Variants in CIB2 observed in about 807,000 individuals in gnomAD.
The protein encoded by CIB2 is calcium and integrin-binding family member 2.
In CIB2, 19 loss-of-function variants were observed where a neutral mutation model predicts 23.1. The observed-to-expected ratio is 0.82, with a 90% CI of 0.57 to 1.21. CIB2 has a LOEUF of 1.21. Among genes scored for constraint, CIB2 ranks in the 50% most tolerant of loss-of-function variants. The pLI is 0.00. For missense variants in CIB2, 220 were observed against 241.5 expected (o/e 0.91, Z 0.59); for synonymous variants, 94 against 91.7 (o/e 1.03, Z -0.14).
intron 2 of CIB2, among the ~76,000 whole-genome samples, chr15:78,117,818 C>T (rs980517594): frequency 1.2e-4 from 18 of 152,192 alleles, no homozygotes; most frequent in Admixed American, 1.1e-3. Flanking sequence ...GAGCTTCAGA[C>T]TCTTGGGTTA....
intron 2 of CIB2, among the ~76,000 whole-genome samples, chr15:78,115,857 C>G (rs182738181): frequency 2.9e-4 from 44 of 151,718 alleles, no homozygotes; most frequent in African/African-American, 1.1e-3. Flanking sequence ...TTTGTATATA[C>G]TGGGGATATA....
chr15:78,123,552 G>C (rs2074345632), intron 2 of CIB2, among the ~76,000 whole-genome samples, 153 bp downstream of exon 2: 1 of 152,126 alleles, frequency 6.6e-6, no homozygotes. Context: ...CTCCATCCTA[G>C]CCCAGTGGCC....
rs1178774498 is a variant in CIB2, at chr15:78,104,998, C to T, written c.*313G>A. The T allele has an allele frequency of 3.7e-5, 10 of 270,782 alleles. No individual in the cohort carries two copies. The Admixed American group carries it at 5.4e-4, about 15-fold the overall frequency. The allele number at this position is 270,782 out of a possible 1,614,324, so 16.8% of individuals were successfully genotyped here. On this transcript the variant is annotated 3_prime_UTR_variant, in exon 6 of 6. Transcript: ENST00000258930. The surrounding 1 kb of genome is among the most constrained non-coding windows in gnomAD (Gnocchi z 4.4). ...CCACCACCTCCTGTTGGGTTATCTG[C>T]TTTTCCCTCTTTGGGGGGGTGGGGA...
Position 78,123,739 on chromosome 15 carries a change from C to T in CIB2, c.52G>A (p.Asp18Asn), listed in dbSNP as rs947632319. ...TCCTTCTTATTGAAGAAGGTGCAGTCCTGTTGAGGGAAAACACACAACACA... is the reference window on the plus strand; with the variant it reads ...TCCTTCTTATTGAAGAAGGTGCAGTTCTGTTGAGGGAAAACACACAACACA... ...FTEEQLDNYQ[D>N]CTFFNKKDIL... is the part of the protein sequence containing the mutation. Residue 18 changes from aspartate to asparagine, a missense_variant and splice_region_variant, in exon 2 of 6, where the codon GAC becomes AAC. Coordinates refer to ENST00000258930, the MANE Select transcript of CIB2 (RefSeq NM_006383.4). 6.2e-7 allele frequency: 1 copy of T among 1,614,142 alleles called. No individual in the cohort carries two copies. The highest frequency in any genetic ancestry group is 8.5e-7 in the Non-Finnish European group (1 of 1,179,990).
intron 2 of CIB2, among the ~76,000 whole-genome samples, chr15:78,122,542 C>G (rs1344498918): frequency 6.6e-6 from 1 of 152,180 alleles, no homozygotes; most frequent in Non-Finnish European, 1.5e-5. Context: ...GGACCTCACC[C>G]CTGACATCTC....
At chr15:78,127,467 A>G (rs2074396631) in intron 1 of CIB2, among the ~76,000 whole-genome samples, 1 of 152,128 alleles carries the variant, frequency 6.6e-6, no homozygotes, top group Non-Finnish European at 1.5e-5. Flanking sequence ...AGCAGAAAAC[A>G]GGACAGGCTG....
chr15:78,111,076 G>T, intron 3 of CIB2, 89 bp downstream of exon 3: 1 of 1,064,588 alleles, frequency 9.4e-7, no homozygotes, highest in Non-Finnish European at 1.5e-6. Flanking sequence ...CACAAAGGGT[G>T]GAGCTGGGTT....
chr15:78,109,200 C>CCGGGGG, intron 4 of CIB2, 35 bp downstream of exon 4: 1 of 1,159,168 alleles, frequency 8.6e-7, no homozygotes, highest in Non-Finnish European at 1.2e-6. Context: ...GTTCCCCCAC[C>CCGGGGG]GCATATTCAG....
At chr15:78,111,402 A>G in intron 2 of CIB2, 126 bp from the exon 3 acceptor site, 1 of 695,026 alleles carries the variant, frequency 1.4e-6, no homozygotes, top group Admixed American at 2.8e-5. Context: ...TAAGGGGCCA[A>G]TGGGAGGCTC....
chr15:78,126,719 C>A (rs2074386380), intron 1 of CIB2, among the ~76,000 whole-genome samples: 1 of 152,212 alleles, frequency 6.6e-6, no homozygotes, highest in Admixed American at 6.5e-5. Flanking sequence ...AGAGTCCCTG[C>A]CTAGTCTTAA....
At position 78,105,954 on chromosome 15, in the gene CIB2, C is replaced by T. The variant is rs2141880858; in HGVS notation, c.347-20G>A. The stretch of plus-strand genomic sequence containing the variant: ...TGAAGTCTGTAGGGCAGGGGTTGGA[C>T]ATGTTCAAGTCCAGGCTGCGTGCAC... On this transcript the variant is annotated intron_variant, in intron 4 of 5. Transcript: ENST00000258930. 6.2e-6 allele frequency: 10 copies of T among 1,609,692 alleles called. No homozygotes were observed. The South Asian group carries it at 9.9e-5, about 16-fold the overall frequency.
Position 78,105,140 on chromosome 15 carries a change from C to G in CIB2, c.*171G>C. 1 of 904,572 alleles carries G rather than the reference C, an allele frequency of 1.1e-6. No homozygotes were observed. The highest frequency in any genetic ancestry group is 1.7e-5 in the South Asian group (1 of 60,030). The allele number at this position is 904,572 out of a possible 1,614,324, so 56.0% of individuals were successfully genotyped here. A position where few individuals can be genotyped will look rare whatever the true frequency, so the allele number is the denominator to read the frequency against. On this transcript the variant is annotated 3_prime_UTR_variant, in exon 6 of 6. Coordinates refer to ENST00000258930, the MANE Select transcript of CIB2 (RefSeq NM_006383.4). Reference sequence around the variant, plus strand: ...GCTGTGGGAAGGGTCCTAACCTTCACAGGCCCCCTTCCTGGTTAAGGTTTT... The same window carrying G: ...GCTGTGGGAAGGGTCCTAACCTTCAGAGGCCCCCTTCCTGGTTAAGGTTTT...
chr15:78,114,162 C>G (rs991206015), intron 2 of CIB2, among the ~76,000 whole-genome samples: 3 of 152,182 alleles, frequency 2.0e-5, no homozygotes, highest in Admixed American at 2.0e-4. Context: ...ATGCTGCCTG[C>G]CACGTCAGAG....
At chr15:78,121,704 G>A (rs745975371) in intron 2 of CIB2, among the ~76,000 whole-genome samples, 66 of 152,162 alleles carry the variant, frequency 4.3e-4, no homozygotes, top group Admixed American at 2.9e-3. Context: ...TGCCATGATT[G>A]TAAGTTTCCT....
Position 78,119,653 on chromosome 15 carries a change from G to C in CIB2, c.86+4052C>G, listed in dbSNP as rs568223440. 2.0e-5 allele frequency among the ~76,000 whole-genome samples: 3 copies of C among 151,326 alleles called. No individual in the cohort carries two copies. The South Asian group carries it at 6.3e-4, about 32-fold the overall frequency. On this transcript the variant is annotated intron_variant, in intron 2 of 5. Coordinates refer to ENST00000258930, the MANE Select transcript of CIB2 (RefSeq NM_006383.4). The stretch of plus-strand genomic sequence containing the variant: ...ATGATCTCGGCTCACTGCAACCTCC[G>C]CCTCCTGGGTCCCGGTTCAAGCAAT...
chr15:78,122,802 G>C (rs1275323447), intron 2 of CIB2, among the ~76,000 whole-genome samples: 1 of 152,232 alleles, frequency 6.6e-6, no homozygotes, highest in Non-Finnish European at 1.5e-5. Context: ...GTGACAGGTT[G>C]GAATAGCAGC....
intron 3 of CIB2, chr15:78,110,855 A>G (rs773782475): frequency 2.1e-6 from 1 of 486,774 alleles, no homozygotes; most frequent in Non-Finnish European, 4.0e-6. Flanking sequence ...CAGAAAAGTT[A>G]TCTAACAAAG....
At chr15:78,109,802 G>C (rs981304058) in intron 3 of CIB2, among the ~76,000 whole-genome samples, 5 of 95,120 alleles carry the variant, frequency 5.3e-5, no homozygotes, top group Admixed American at 1.2e-4. Flanking sequence ...GCAAGACCAT[G>C]TCTCCAAAAA....
At chr15:78,115,426 A>AT (rs1001313493) in intron 2 of CIB2, among the ~76,000 whole-genome samples, 4 of 151,570 alleles carry the variant, frequency 2.6e-5, no homozygotes, top group Non-Finnish European at 5.9e-5. Flanking sequence ...CACTCGGCTG[A>AT]TTTTTTTATA....
Sources: gnomAD v4.1 joint callset for allele counts (sites outside exome capture counted in the v4.1 genomes callset) on GRCh38, gnomAD v4.1.1 for gene constraint, Gnocchi (gnomAD v3.1) non-coding constraint, MANE v1.5 for transcripts, NCBI Gene and HGNC (gene_info 2026-07-23, HGNC 2026-07-21) for gene names.